GIGYF2: variants seen among roughly 807,000 people sequenced by gnomAD.
The protein encoded by GIGYF2 is GRB10-interacting GYF protein 2.
Under a neutral mutation model 208.1 loss-of-function variants are expected in GIGYF2, and 25 were observed. The ratio of observed to expected loss-of-function variants is 0.12; its 90% confidence interval spans 0.09 to 0.17. The LOEUF (loss-of-function observed/expected upper bound fraction) is 0.17, where lower values mean the gene tolerates loss of function less well. Ranked by LOEUF, GIGYF2 falls within the 10% of genes least tolerant of loss-of-function variation. The pLI is 1.00. For synonymous variants in GIGYF2, 534 were observed against 543.8 expected (o/e 0.98, Z 0.25); for missense variants, 1,302 against 1,579.4 (o/e 0.82, Z 2.98).
At chr2:232,814,822 T>C (rs1325599434) in intron 18 of GIGYF2, among the ~76,000 whole-genome samples, 1 of 152,210 alleles carries the variant, frequency 6.6e-6, no homozygotes, top group African/African-American at 2.4e-5. Flanking sequence ...TGGGTTTATA[T>C]GCAGTCAAGT....
intron 14 of GIGYF2, among the ~76,000 whole-genome samples, chr2:232,797,371 C>A (rs1212263939): frequency 6.6e-6 from 1 of 151,982 alleles, no homozygotes; most frequent in Non-Finnish European, 1.5e-5. Context: ...TGAATTAACT[C>A]CCCTTGCACT....
intron 21 of GIGYF2, among the ~76,000 whole-genome samples, chr2:232,829,954 C>G (rs2106406123): frequency 6.6e-6 from 1 of 152,070 alleles, no homozygotes; most frequent in South Asian, 2.1e-4. Context: ...GGTGTTCATT[C>G]ATTCATTCGT....
intron 2 of GIGYF2, among the ~76,000 whole-genome samples, chr2:232,732,086 C>G (rs1697526178): frequency 6.6e-6 from 1 of 152,196 alleles, no homozygotes; most frequent in Admixed American, 6.5e-5. Context: ...CTTCCTCCCT[C>G]TCCCCACCAG....
intron 14 of GIGYF2, among the ~76,000 whole-genome samples, chr2:232,800,953 C>T (rs966342647): frequency 6.6e-6 from 1 of 152,034 alleles, no homozygotes. Flanking sequence ...TCTTGGCTCA[C>T]TGCAACCTCT....
rs554519977 is a variant in GIGYF2, at chr2:232,761,719, G to A, written c.532+283G>A. Among the ~76,000 whole-genome samples, 10 of 151,812 alleles carry A rather than the reference G, an allele frequency of 6.6e-5. No individual in the cohort carries two copies. In the South Asian group the frequency reaches 1.9e-3, roughly 28 times the overall value. ...ACTAACTCTTTTTCTAGTGTAGATAGCATCTCACAGATGAGAAGAAATAGG... is the reference window on the plus strand; with the variant it reads ...ACTAACTCTTTTTCTAGTGTAGATAACATCTCACAGATGAGAAGAAATAGG... On this transcript the variant is annotated intron_variant, in intron 8 of 28. Transcript: ENST00000373563.
intron 2 of GIGYF2, among the ~76,000 whole-genome samples, chr2:232,723,335 A>G (rs2106276218): frequency 6.6e-6 from 1 of 152,294 alleles, no homozygotes; most frequent in African/African-American, 2.4e-5. Flanking sequence ...TGACTCTGCT[A>G]GTAACTTTCC....
chr2:232,741,910 A>T (rs1014755331), intron 3 of GIGYF2, among the ~76,000 whole-genome samples: 2 of 152,188 alleles, frequency 1.3e-5, no homozygotes, highest in South Asian at 4.1e-4. Flanking sequence ...AAGGCTGGAC[A>T]GGAACTTGTG....
At chr2:232,722,154 A>C (rs1696973150) in intron 2 of GIGYF2, among the ~76,000 whole-genome samples, 1 of 152,188 alleles carries the variant, frequency 6.6e-6, no homozygotes, top group Non-Finnish European at 1.5e-5. Context: ...ACCACCTTGC[A>C]GATTAGCTTC....
intron 2 of GIGYF2, among the ~76,000 whole-genome samples, chr2:232,708,464 A>G (rs1696231906): frequency 6.6e-6 from 1 of 152,108 alleles, no homozygotes; most frequent in Admixed American, 6.6e-5. Flanking sequence ...GAACTGGAAA[A>G]AAAAAGCAAT....
Position 232,749,041 on chromosome 2 carries a change from C to T in GIGYF2, c.226C>T (p.Leu76Phe). The change falls in exon 5 of 29, where the codon CTT (leucine) becomes TTT (phenylalanine). Residue 76 changes from leucine to phenylalanine, a missense_variant. This residue lies in a region of GIGYF2 where 189 missense variants were observed against 257.7 expected (regional missense o/e 0.73). Coordinates refer to ENST00000373563, the MANE Select transcript of GIGYF2 (RefSeq NM_001103146.3). ...EFLPILQEEP[L>F]PPLALVPFTE... ...TCTGCCTATCCTCCAGGAGGAACCC[C>T]TTCCACCATTGGCTCTGGTACCCTT... 1 of 1,606,624 alleles carries T rather than the reference C, an allele frequency of 6.2e-7. No individual in the cohort carries two copies. The highest frequency in any genetic ancestry group is 8.5e-7 in the Non-Finnish European group (1 of 1,173,256).
rs1697652868 is a variant in GIGYF2 at position 232,734,605 on chromosome 2, C to A, written c.-43-550C>A. ...TGAGGTCAGGCCAAGAGTTCGAGAC[C>A]AGCTTGAGCAACATAGTGATACACA... On this transcript the variant is annotated intron_variant, in intron 2 of 28. Transcript: ENST00000373563. 3 of 152,592 alleles carry A rather than the reference C, an allele frequency of 2.0e-5. No homozygotes were observed. The South Asian group carries it at 6.2e-4, about 32-fold the overall frequency. 9.5% of individuals were successfully genotyped at this position (152,592 alleles called of 1,614,324 possible). A position where few individuals can be genotyped will look rare whatever the true frequency, so the allele number is the denominator to read the frequency against.
At chr2:232,749,488 G>C (rs909670577) in intron 5 of GIGYF2, among the ~76,000 whole-genome samples, 2 of 151,990 alleles carry the variant, frequency 1.3e-5, no homozygotes, top group Non-Finnish European at 2.9e-5. Context: ...AAACTCTTCT[G>C]TCACCAATGT....
chr2:232,741,731 A>G (rs1013027666), intron 3 of GIGYF2, among the ~76,000 whole-genome samples: 2 of 152,104 alleles, frequency 1.3e-5, no homozygotes, highest in Admixed American at 6.6e-5. Flanking sequence ...GATGTGAGCC[A>G]CTGTGCCTGG....
chr2:232,728,138 G>A (rs545482775), intron 2 of GIGYF2, among the ~76,000 whole-genome samples: 2 of 152,236 alleles, frequency 1.3e-5, no homozygotes, highest in African/African-American at 2.4e-5. Context: ...TCAGGCTTCT[G>A]GGGGAAGGGT....
chr2:232,779,807 ACT>A, intron 8 of GIGYF2, among the ~76,000 whole-genome samples: 1 of 152,226 alleles, frequency 6.6e-6, no homozygotes, highest in African/African-American at 2.4e-5. Context: ...GAAAGTCGTA[ACT>A]CTCTGGGTAC....
At chr2:232,714,688 A>AT (rs1455914437) in intron 2 of GIGYF2, among the ~76,000 whole-genome samples, 1 of 151,910 alleles carries the variant, frequency 6.6e-6, no homozygotes, top group African/African-American at 2.4e-5. Context: ...TTTTGTAGTC[A>AT]TTTTTCCTCC....
chr2:232,724,117 A>G (rs924003439), intron 2 of GIGYF2, among the ~76,000 whole-genome samples: 26 of 144,682 alleles, frequency 1.8e-4, no homozygotes, highest in Non-Finnish European at 3.2e-4. Context: ...CTCAGCTCAC[A>G]GCAACCTCTG....
chr2:232,832,926 C>T lies in GIGYF2; in HGVS notation c.2599C>T (p.Arg867Trp), dbSNP rs1435271451. The change falls in exon 22 of 29, where the codon CGG becomes TGG. Residue 867 changes from arginine to tryptophan, a missense_variant. Transcript: ENST00000373563. ...GCGTCGATTAGAGGAGAACCGGCTG[C>T]GGATGGAAGAGGAGGCAGCCAGACT... ...AQRRLEENRL[R>W]MEEEAARLRH... The T allele has an allele frequency of 1.3e-6, 2 of 1,565,656 alleles. No homozygotes were observed. The highest frequency in any genetic ancestry group is 8.7e-7 in the Non-Finnish European group (1 of 1,155,110).
rs1169375769 is a variant in GIGYF2 at position 232,806,273 on chromosome 2, G to A, written c.1640-218G>A. ...CAGTTATGCTCCTTATAATTGAAGT[G>A]CTGCTGATAATTTGGGATGTATAAA... On this transcript the variant is annotated intron_variant, in intron 14 of 28. Coordinates refer to ENST00000373563, the MANE Select transcript of GIGYF2 (RefSeq NM_001103146.3). The surrounding 1 kb of genome is among the most constrained non-coding windows in gnomAD (Gnocchi z 4.0). Among the ~76,000 whole-genome samples, 1 of 152,218 alleles carries A rather than the reference G, an allele frequency of 6.6e-6. No homozygotes were observed. Among genetic ancestry groups the A allele is most frequent in the East Asian group, 1.9e-4 (1 of 5,202 alleles).
Sources: gnomAD v4.1 joint callset for allele counts (sites outside exome capture counted in the v4.1 genomes callset) on GRCh38, gnomAD v4.1.1 for gene constraint, gnomAD v4.1.1 regional missense constraint, Gnocchi (gnomAD v3.1) non-coding constraint, MANE v1.5 for transcripts, NCBI Gene and HGNC (gene_info 2026-07-23, HGNC 2026-07-21) for gene names.